Variants in LMNTD1 observed in about 807,000 individuals in gnomAD.
The protein encoded by LMNTD1 is lamin tail domain-containing protein 1.
A neutral mutation model predicts 50.9 loss-of-function variants in LMNTD1; 35 were observed. That is an observed-to-expected ratio of 0.69 (90% CI 0.53 to 0.91). The LOEUF is 0.91. LMNTD1 is among the 40% of genes least tolerant of loss of function. The pLI is 0.00. For missense variants in LMNTD1, 470 were observed against 475.5 expected (o/e 0.99, Z 0.11); for synonymous variants, 153 against 161.9 (o/e 0.94, Z 0.42).
chr12:25,579,717 G>C (rs983530855), intron 1 of LMNTD1, among the ~76,000 whole-genome samples: 4 of 152,086 alleles, frequency 2.6e-5, no homozygotes, highest in Non-Finnish European at 5.9e-5. Context: ...CAAGCCAAGA[G>C]CTTTGGACTC....
At chr12:25,521,337 G>C (rs372911030) in intron 6 of LMNTD1, among the ~76,000 whole-genome samples, 243 of 152,176 alleles carry the variant, frequency 1.6e-3, no homozygotes, top group African/African-American at 5.6e-3. Context: ...TTTCCCAGCA[G>C]TATTATGGTT....
At chr12:25,635,294 GT>G (rs2136609148) in intron 1 of LMNTD1, among the ~76,000 whole-genome samples, 1 of 147,692 alleles carries the variant, frequency 6.8e-6, no homozygotes, top group South Asian at 2.2e-4. Flanking sequence ...AAATTTTCCA[GT>G]TACAAGATTA....
In LMNTD1 at chr12:25,526,752, TATACTC is replaced by T. The variant is rs752544114; in HGVS notation, c.678+11_678+16del. ...CTGTACAATTCTAATGTACAGTATT[TATACTC>T]TTATACTCACTGTTACTGTGGAATT... On this transcript the variant is annotated intron_variant, in intron 5 of 9. Transcript: ENST00000458174. 1.9e-6 allele frequency: 3 copies of T among 1,555,758 alleles called. No individual in the cohort carries two copies. In the South Asian group the frequency reaches 3.6e-5, roughly 19 times the overall value.
chr12:25,557,976 G>A (rs1248276737), upstream of LMNTD1, among the ~76,000 whole-genome samples: 1 of 152,186 alleles, frequency 6.6e-6, no homozygotes, highest in African/African-American at 2.4e-5. Flanking sequence ...CAGGATAAAG[G>A]CAGTCATTAT....
rs764402381 is a variant in LMNTD1, at chr12:25,518,820, C to G, written c.1164G>C (p.Arg388=). The G allele has an allele frequency of 6.2e-7, 1 of 1,613,988 alleles. No individual in the cohort carries two copies. Among genetic ancestry groups the G allele is most frequent in the East Asian group, 2.2e-5 (1 of 44,878 alleles). The change falls in exon 8 of 10, where the codon CGG becomes CGC. Residue 388 remains arginine (R), a synonymous_variant. Transcript: ENST00000458174. ...CTGAGGCTCGATTAGGTCTGGTTGA[C>G]CGAGTCCTGGGCTGTCTATCCAATC... The part of the protein sequence containing the change: ...GGRLDRQPRT[R]STRPNRASGS...
At chr12:25,498,930 A>G (rs1312542417) in intron 9 of LMNTD1, among the ~76,000 whole-genome samples, 1 of 152,136 alleles carries the variant, frequency 6.6e-6, no homozygotes, top group Non-Finnish European at 1.5e-5. Flanking sequence ...TGTAATTCTG[A>G]CCGGAATGCT....
At chr12:25,533,202 T>C (rs772063242) in intron 4 of LMNTD1, among the ~76,000 whole-genome samples, 3 of 152,186 alleles carry the variant, frequency 2.0e-5, no homozygotes, top group South Asian at 2.1e-4. Context: ...AGGCAGGCTG[T>C]TAATCTGCTG....
At chr12:25,505,970 CAATA>C (rs1273893624) in intron 8 of LMNTD1, among the ~76,000 whole-genome samples, 1 of 152,068 alleles carries the variant, frequency 6.6e-6, no homozygotes, top group Non-Finnish European at 1.5e-5. Context: ...ATGCAAACAT[CAATA>C]AACAGAACAG....
At chr12:25,490,632 T>G (rs991367495) in intron 9 of LMNTD1, among the ~76,000 whole-genome samples, 1 of 152,228 alleles carries the variant, frequency 6.6e-6, no homozygotes, top group South Asian at 2.1e-4. Flanking sequence ...CTTCCCTTTA[T>G]TTTTGGACAG....
rs1330236808 is a variant in LMNTD1, at chr12:25,642,310, C to A, written c.58+6184G>T. ...GAGGGTAATTAGGTTTAAATAAGGT[C>A]ATGAGGGTTGAGCCCCCATAATGTG... On this transcript the variant is annotated intron_variant, in intron 1 of 7. Coordinates refer to the LMNTD1 transcript ENST00000445693. Among the ~76,000 whole-genome samples, 4 of 152,144 alleles carry A rather than the reference C, an allele frequency of 2.6e-5. No individual in the cohort carries two copies. In the East Asian group the frequency reaches 7.7e-4, roughly 29 times the overall value.
chr12:25,527,866 T>A (rs1038082491), intron 4 of LMNTD1, among the ~76,000 whole-genome samples: 5 of 151,520 alleles, frequency 3.3e-5, no homozygotes, highest in South Asian at 2.1e-4. Context: ...AAAATTTTTT[T>A]AAAACATATT....
intron 1 of LMNTD1, among the ~76,000 whole-genome samples, chr12:25,645,823 T>C (rs1006854761): frequency 2.6e-5 from 4 of 152,154 alleles, no homozygotes; most frequent in African/African-American, 9.7e-5. Context: ...AGAAGGATAA[T>C]GTATGTAAAG....
chr12:25,536,650 C>G (rs993519379), intron 4 of LMNTD1, among the ~76,000 whole-genome samples: 1 of 149,774 alleles, frequency 6.7e-6, no homozygotes, highest in Admixed American at 6.7e-5. Context: ...GGTATCAAAT[C>G]AATGACCTCA....
At chr12:25,615,544 C>T (rs887528824) in intron 1 of LMNTD1, among the ~76,000 whole-genome samples, 3 of 152,008 alleles carry the variant, frequency 2.0e-5, no homozygotes, top group South Asian at 4.2e-4. Context: ...TCACTGCAAC[C>T]TTTGCCTTCC....
chr12:25,576,012 G>A (rs547885138), intron 1 of LMNTD1, among the ~76,000 whole-genome samples: 87 of 152,210 alleles, frequency 5.7e-4, no homozygotes, highest in African/African-American at 1.8e-3. Flanking sequence ...CCTACAAAGG[G>A]CAGGAACTCA....
intron 1 of LMNTD1, among the ~76,000 whole-genome samples, chr12:25,604,853 G>C (rs543940018): frequency 6.6e-6 from 1 of 152,100 alleles, no homozygotes; most frequent in Non-Finnish European, 1.5e-5. Context: ...AATCCTTTGC[G>C]TATATACCCA....
intron 1 of LMNTD1, among the ~76,000 whole-genome samples, chr12:25,579,588 T>A (rs1195384827): frequency 1.3e-5 from 2 of 152,160 alleles, no homozygotes; most frequent in Non-Finnish European, 1.5e-5. Context: ...TCTATCTAGG[T>A]GTTCTGTATG....
chr12:25,537,745 G>A (rs2136165169), intron 4 of LMNTD1, among the ~76,000 whole-genome samples: 1 of 152,362 alleles, frequency 6.6e-6, no homozygotes, highest in South Asian at 2.1e-4. Flanking sequence ...CGAGCTGAGA[G>A]AAGAAGGCTT....
Position 25,526,909 on chromosome 12 carries a change from A to G in LMNTD1, c.538T>C (p.Phe180Leu). 6.2e-7 allele frequency: 1 copy of G among 1,612,058 alleles called. No individual in the cohort carries two copies. Among genetic ancestry groups the G allele is most frequent in the Non-Finnish European group, 8.5e-7 (1 of 1,179,054 alleles). The change falls in exon 5 of 10, where the codon TTC becomes CTC. Residue 180 changes from phenylalanine to leucine, a missense_variant. Phe to Leu is a conservative substitution (Grantham distance 22, BLOSUM62 0). Coordinates refer to ENST00000458174, the MANE Select transcript of LMNTD1 (RefSeq NM_001145728.2). ...EIAEVNVKGL[F>L]VKLINSSLDK... Reference sequence around the variant, plus strand: ...AGGGAAGAGTTAATGAGCTTCACGAACAAACCCTTGACATTCACTTCAGCT... The same window carrying G: ...AGGGAAGAGTTAATGAGCTTCACGAGCAAACCCTTGACATTCACTTCAGCT...
Sources: allele counts gnomAD v4.1 joint callset (sites outside exome capture counted in the v4.1 genomes callset), GRCh38; gene constraint gnomAD v4.1.1; transcripts MANE v1.5; gene names NCBI Gene and HGNC (gene_info 2026-07-23, HGNC 2026-07-21).